The following MALRD1 variants were observed in gnomAD, a reference collection of about 807,000 sequenced individuals.
MALRD1 encodes the protein MAM and LDL receptor class A domain containing 1.
In MALRD1, 247 loss-of-function variants were observed where a neutral mutation model predicts 242.1. That is an observed-to-expected ratio of 1.02 (90% CI 0.92 to 1.13). The LOEUF is 1.13. Among genes scored for constraint, MALRD1 ranks in the 50% most tolerant of loss-of-function variants. The pLI, the probability that MALRD1 is intolerant of heterozygous loss-of-function variation, is 0.00. For missense variants in MALRD1, 2,989 were observed against 2,533.1 expected, an observed-to-expected ratio of 1.18 and a Z score of -3.86; for synonymous variants, 995 against 866.6, an observed-to-expected ratio of 1.15 and a Z score of -2.60.
chr10:19,651,255 T>A (rs1318896095), intron 36 of MALRD1, among the ~76,000 whole-genome samples: 1 of 152,194 alleles, frequency 6.6e-6, no homozygotes, highest in Non-Finnish European at 1.5e-5. Context: ...TAAAACTGAT[T>A]GGGACTGGAG....
intron 19 of MALRD1, among the ~76,000 whole-genome samples, chr10:19,279,338 C>T (rs1173628787): frequency 2.6e-5 from 4 of 152,290 alleles, no homozygotes; most frequent in East Asian, 1.9e-4. Flanking sequence ...TCACACAACC[C>T]GTTCTGGGAC....
At chr10:19,528,619 T>C (rs928101216) in intron 31 of MALRD1, among the ~76,000 whole-genome samples, 1 of 151,978 alleles carries the variant, frequency 6.6e-6, no homozygotes, top group African/African-American at 2.4e-5. Context: ...AAAAATAAAT[T>C]TTATTGAAAT....
chr10:19,577,500 GT>G (rs1393791384), intron 33 of MALRD1, among the ~76,000 whole-genome samples: 1 of 152,114 alleles, frequency 6.6e-6, no homozygotes, highest in Non-Finnish European at 1.5e-5. Flanking sequence ...TTCTTACTTG[GT>G]TGCCTGCTGA....
intron 4 of MALRD1, among the ~76,000 whole-genome samples, chr10:19,100,558 T>G (rs539327643): frequency 6.6e-6 from 1 of 152,196 alleles, no homozygotes; most frequent in African/African-American, 2.4e-5. Flanking sequence ...AAGGTCATTT[T>G]GGAGTTTTGA....
At chr10:19,496,188 C>T (rs1837713642) in intron 30 of MALRD1, among the ~76,000 whole-genome samples, 1 of 152,154 alleles carries the variant, frequency 6.6e-6, no homozygotes, top group East Asian at 1.9e-4. Context: ...CAAAGATATT[C>T]AGGACCTGAA....
intron 1 of MALRD1, among the ~76,000 whole-genome samples, chr10:19,065,431 C>G (rs1386556959): frequency 6.6e-6 from 1 of 151,814 alleles, no homozygotes; most frequent in Non-Finnish European, 1.5e-5. Flanking sequence ...GTGGGAGTGT[C>G]TTATGCTAAT....
chr10:19,069,539 T>C (rs1463143004), intron 2 of MALRD1, among the ~76,000 whole-genome samples: 1 of 152,066 alleles, frequency 6.6e-6, no homozygotes, highest in East Asian at 1.9e-4. Context: ...TCTCTTCAGC[T>C]TGAAGAAATT....
rs558886811 is a variant in MALRD1, at chr10:19,421,800, T to G, written c.4846-28507T>G. 6.6e-5 allele frequency among the ~76,000 whole-genome samples: 10 copies of G among 152,282 alleles called. No individual in the cohort carries two copies. In the East Asian group the frequency reaches 1.7e-3, roughly 26 times the overall value. On this transcript the variant is annotated intron_variant, in intron 28 of 39. Transcript: ENST00000454679. ...TTTCAGAGGCAGATTGCTATTGCCT[T>G]TTTTCCCCTGGCCAGTAAAGGGTTA...
intron 23 of MALRD1, among the ~76,000 whole-genome samples, chr10:19,330,165 T>G (rs1297420720): frequency 6.6e-6 from 1 of 152,100 alleles, no homozygotes; most frequent in Non-Finnish European, 1.5e-5. Context: ...ATATTTTTTT[T>G]CTTTCCAAGC....
chr10:19,671,387 G>T (rs373432725), intron 36 of MALRD1, among the ~76,000 whole-genome samples: 2 of 152,260 alleles, frequency 1.3e-5, no homozygotes, highest in African/African-American at 4.8e-5. Flanking sequence ...AGAGGCCAAG[G>T]TGGGTGGATC....
chr10:19,657,833 A>G (rs1227266696), intron 36 of MALRD1, among the ~76,000 whole-genome samples: 4 of 152,196 alleles, frequency 2.6e-5, no homozygotes, highest in Non-Finnish European at 4.4e-5. Flanking sequence ...ATACACATGC[A>G]TTTAATAATT....
At position 19,309,075 on chromosome 10, in the gene MALRD1, A is replaced by G. The variant is rs1187257581; in HGVS notation, c.3420-14874A>G. On this transcript the variant is annotated intron_variant, in intron 21 of 39. Coordinates refer to ENST00000454679, the MANE Select transcript of MALRD1 (RefSeq NM_001142308.3). Reference sequence around the variant, plus strand: ...AATTACAGGATTTAAGGTTTGTTCTATTACCATAAATCTAAATTTAACATT... The same window carrying G: ...AATTACAGGATTTAAGGTTTGTTCTGTTACCATAAATCTAAATTTAACATT... Among the ~76,000 whole-genome samples, 6 of 151,608 alleles carry G rather than the reference A, an allele frequency of 4.0e-5. No individual in the cohort carries two copies. The East Asian group carries it at 1.2e-3, about 29-fold the overall frequency.
chr10:19,429,045 G>A (rs1052968164), intron 28 of MALRD1, among the ~76,000 whole-genome samples: 1 of 152,064 alleles, frequency 6.6e-6, no homozygotes, highest in Non-Finnish European at 1.5e-5. Flanking sequence ...AACTTACTGG[G>A]CTATTACACC....
At chr10:19,507,733 T>A (rs564406735) in intron 31 of MALRD1, among the ~76,000 whole-genome samples, 39 of 152,256 alleles carry the variant, frequency 2.6e-4, no homozygotes, top group African/African-American at 8.4e-4. Context: ...TAAAATTAAA[T>A]CCTGAGAGTA....
intron 1 of MALRD1, among the ~76,000 whole-genome samples, chr10:19,060,293 G>A (rs1011018440): frequency 1.7e-4 from 26 of 152,182 alleles, no homozygotes; most frequent in African/African-American, 5.8e-4. Context: ...CTCTGTGCCG[G>A]TGTTTCTTTG....
intron 13 of MALRD1, among the ~76,000 whole-genome samples, chr10:19,168,408 G>A (rs769555411): frequency 2.6e-5 from 4 of 152,132 alleles, no homozygotes; most frequent in Non-Finnish European, 4.4e-5. Context: ...CAAGAAGATC[G>A]TTCAGAGTTT....
At position 19,331,483 on chromosome 10, in the gene MALRD1, G is replaced by T; in HGVS notation, c.3802G>T (p.Glu1268Ter). 6.4e-7 allele frequency: 1 copy of T among 1,550,412 alleles called. No individual in the cohort carries two copies. The highest frequency in any genetic ancestry group is 8.7e-7 in the Non-Finnish European group (1 of 1,146,820). Residue 1268 changes from glutamate (E) to a stop codon, truncating the protein, a stop_gained, in exon 24 of 40, where the codon GAA becomes TAA. Coordinates refer to ENST00000454679, the MANE Select transcript of MALRD1 (RefSeq NM_001142308.3). LOFTEE classifies it high-confidence loss of function. ...LSPERKCTDHEFMCANKHCIA... is the reference protein window; with the variant it reads ...LSPERKCTDH ...CCCAGAGAGAAAGTGTACTGATCAT[G>T]AATTCATGTGTGCTAATAAGCACTG...
rs1554842468 is a variant in MALRD1, at chr10:19,376,542, C to CATTT, written c.4442-10986_4442-10985insATTT. Among the ~76,000 whole-genome samples, 276 of 94,996 alleles carry CATTT rather than the reference C, an allele frequency of 2.9e-3. 57 individuals are homozygous for CATTT. The highest frequency in any genetic ancestry group is 0.013 in the Middle Eastern group (2 of 150). The allele number at this position is 94,996 out of a possible 152,430, so 62.3% of individuals were successfully genotyped here. On this transcript the variant is annotated intron_variant, in intron 26 of 39. Transcript: ENST00000454679. ...TTGAAAGTCAAGGAGTTGATACATT[C>CATTT]TTTTTTTTTTTTTTTTTTTTTTTTT...
At chr10:19,384,849 C>T (rs1036292539) in intron 26 of MALRD1, among the ~76,000 whole-genome samples, 2 of 150,544 alleles carry the variant, frequency 1.3e-5, no homozygotes, top group African/African-American at 2.4e-5. Context: ...GCTCCTTATG[C>T]TAGAGAAAGA....
Sources: allele counts gnomAD v4.1 joint callset (sites outside exome capture counted in the v4.1 genomes callset), GRCh38; gene constraint gnomAD v4.1.1; transcripts MANE v1.5; gene names NCBI Gene and HGNC (gene_info 2026-07-23, HGNC 2026-07-21).